Variants in CCDC201 observed in about 807,000 individuals in gnomAD.
CCDC201 encodes the protein coiled-coil domain containing 201.
At chr7:45,876,263 C>G (rs559124720), upstream of CCDC201, among the ~76,000 whole-genome samples, 1 of 152,192 alleles carries the variant, frequency 6.6e-6, no homozygotes, top group Admixed American at 6.5e-5. Context: ...ACTCAAATGA[C>G]TACCATGACA....
chr7:45,868,048 T>A (rs958212782), intron 1 of CCDC201, among the ~76,000 whole-genome samples: 5 of 152,210 alleles, frequency 3.3e-5, no homozygotes, highest in African/African-American at 1.2e-4. Context: ...CATCTGTAAT[T>A]GTAATTTCTA....
upstream of CCDC201, among the ~76,000 whole-genome samples, chr7:45,874,414 G>A (rs894085111): frequency 3.3e-5 from 5 of 152,222 alleles, no homozygotes; most frequent in Non-Finnish European, 7.3e-5. Context: ...AATGAATGCT[G>A]TCACTGGCTC....
the CCDC201 span, among the ~76,000 whole-genome samples, chr7:45,883,778 A>G: frequency 6.6e-6 from 1 of 152,028 alleles, no homozygotes; most frequent in African/African-American, 2.4e-5. Flanking sequence ...CACAAGCTGC[A>G]GTGCATTTGT....
At chr7:45,878,813 C>A in the CCDC201 span, among the ~76,000 whole-genome samples, 3 of 152,258 alleles carry the variant, frequency 2.0e-5, no homozygotes, top group African/African-American at 7.2e-5. Context: ...CAAATTTCTG[C>A]AGCTTTGAAT....
chr7:45,867,830 T>G lies in CCDC201; in HGVS notation c.19-1336A>C, dbSNP rs146089741. ...GCATTTGTACACAGAGAGGATTATC[T>G]GGTAGTTAATTTTGGGGGAGGCACA... On this transcript the variant is annotated intron_variant, in intron 1 of 2. Coordinates refer to ENST00000636578, the Ensembl canonical transcript of CCDC201. Among the ~76,000 whole-genome samples the G allele has an allele frequency of 2.0e-5, 3 of 152,354 alleles. No homozygotes were observed. The East Asian group carries it at 5.8e-4, about 29-fold the overall frequency.
At chr7:45,876,269 T>A (rs1786807023), upstream of CCDC201, among the ~76,000 whole-genome samples, 1 of 152,178 alleles carries the variant, frequency 6.6e-6, no homozygotes, top group South Asian at 2.1e-4. Flanking sequence ...ATGACTACCA[T>A]GACAACCCTC....
At chr7:45,867,678 G>C (rs1786692660) in intron 1 of CCDC201, among the ~76,000 whole-genome samples, 1 of 152,230 alleles carries the variant, frequency 6.6e-6, no homozygotes, top group Admixed American at 6.5e-5. Context: ...GTCCACTCCA[G>C]TCTAAGGTGA....
chr7:45,875,525 G>A (rs879847234), upstream of CCDC201, among the ~76,000 whole-genome samples: 2 of 152,006 alleles, frequency 1.3e-5, no homozygotes, highest in Non-Finnish European at 2.9e-5. Flanking sequence ...AAATGGTAGC[G>A]TTTGTGACAT....
chr7:45,884,504 G>C, the CCDC201 span, among the ~76,000 whole-genome samples: 15,538 of 152,092 alleles, frequency 0.1, 977 homozygotes, highest in East Asian at 0.2. Context: ...CAGCCTCCAG[G>C]CCTCTTTGTG....
chr7:45,864,113 G>A (rs974107644), intron 2 of CCDC201, among the ~76,000 whole-genome samples: 1 of 152,190 alleles, frequency 6.6e-6, no homozygotes, highest in Admixed American at 6.5e-5. Context: ...CACAGAGGGT[G>A]ACCTCTAGGG....
chr7:45,871,557 T>C (rs1238939211), intron 1 of CCDC201, among the ~76,000 whole-genome samples: 1 of 152,162 alleles, frequency 6.6e-6, no homozygotes, highest in East Asian at 1.9e-4. Context: ...ACTTACAACA[T>C]AGAGGCCATA....
chr7:45,866,138 TTGCTGC>T (rs202125878), exon 2 of CCDC201: 6 of 200,626 alleles, frequency 3.0e-5, no homozygotes, highest in South Asian at 2.4e-4. Context: ...GGAGGGACTC[TTGCTGC>T]TGCTGCTGCT....
chr7:45,868,770 G>A (rs1415735550), intron 1 of CCDC201, among the ~76,000 whole-genome samples: 1 of 152,212 alleles, frequency 6.6e-6, no homozygotes, highest in Non-Finnish European at 1.5e-5. Flanking sequence ...GGAAGGGGCT[G>A]TAGCACTTAA....
chr7:45,871,305 C>T (rs1786740725), intron 1 of CCDC201, among the ~76,000 whole-genome samples: 1 of 151,872 alleles, frequency 6.6e-6, no homozygotes, highest in Non-Finnish European at 1.5e-5. Context: ...AGCCAAGTCC[C>T]TGTAACTCAT....
In CCDC201 at chr7:45,866,881, T is replaced by TA. The variant is rs113407276; in HGVS notation, c.19-388dup. Among the ~76,000 whole-genome samples the TA allele has an allele frequency of 3.5e-3, 538 of 152,204 alleles. 5 individuals are homozygous for TA. The highest frequency in any genetic ancestry group is 0.012 in the African/African-American group (508 of 41,526). On this transcript the variant is annotated intron_variant, in intron 1 of 2. Coordinates refer to ENST00000636578, the Ensembl canonical transcript of CCDC201. ...CATCCTGACTTGTAGACTCACAACA[T>TA]AAAAAGGCAAAACTGTTGACAAACA...
At chr7:45,873,682 G>A (rs1341464029), upstream of CCDC201, among the ~76,000 whole-genome samples, 2 of 152,216 alleles carry the variant, frequency 1.3e-5, no homozygotes, top group African/African-American at 4.8e-5. Flanking sequence ...GGCAACACGT[G>A]CCACAGAGTA....
At chr7:45,884,110 C>CTCGT in the CCDC201 span, among the ~76,000 whole-genome samples, 9 of 149,624 alleles carry the variant, frequency 6.0e-5, no homozygotes, top group Admixed American at 5.3e-4. Flanking sequence ...TCCTCTCTCT[C>CTCGT]TTTCTCTTGA....
chr7:45,877,006 G>C (rs1223700942), upstream of CCDC201, among the ~76,000 whole-genome samples: 1 of 152,246 alleles, frequency 6.6e-6, no homozygotes, highest in East Asian at 1.9e-4. Context: ...GCTTGTGGAA[G>C]TGGTGGCAGG....
chr7:45,866,734 A>G (rs1185396049), intron 1 of CCDC201, among the ~76,000 whole-genome samples: 1 of 152,188 alleles, frequency 6.6e-6, no homozygotes, highest in Non-Finnish European at 1.5e-5. Context: ...GGATGTAATT[A>G]TTGTCAAAAC....
Sources: gnomAD v4.1 joint callset for allele counts (sites outside exome capture counted in the v4.1 genomes callset) on GRCh38, gnomAD v4.1.1 for gene constraint, MANE v1.5 for transcripts, NCBI Gene and HGNC (gene_info 2026-07-23, HGNC 2026-07-21) for gene names.